Variants in CCDC192 observed in about 807,000 individuals in gnomAD.
The protein encoded by CCDC192 is coiled-coil domain-containing protein 192.
chr5:127,905,892 A>G (rs986538072), intron 6 of CCDC192, among the ~76,000 whole-genome samples: 5 of 152,238 alleles, frequency 3.3e-5, no homozygotes, highest in Admixed American at 1.3e-4. Context: ...CAGGTAGCCA[A>G]TAGGGAGAGA....
At chr5:127,810,648 A>G (rs1043145578) in intron 5 of CCDC192, among the ~76,000 whole-genome samples, 3 of 152,324 alleles carry the variant, frequency 2.0e-5, no homozygotes, top group Non-Finnish European at 2.9e-5. Context: ...CAAGCCCAGC[A>G]CTCAATGGAA....
intron 6 of CCDC192, among the ~76,000 whole-genome samples, chr5:127,914,759 A>G (rs1753469496): frequency 6.6e-6 from 1 of 152,200 alleles, no homozygotes; most frequent in Non-Finnish European, 1.5e-5. Flanking sequence ...TAAGAGCTTA[A>G]CATGAATTAA....
At chr5:127,817,660 A>C (rs1749086250) in intron 5 of CCDC192, among the ~76,000 whole-genome samples, 1 of 152,166 alleles carries the variant, frequency 6.6e-6, no homozygotes, top group Non-Finnish European at 1.5e-5. Context: ...ATATGAATTT[A>C]TTTTTGTATT....
intron 6 of CCDC192, among the ~76,000 whole-genome samples, chr5:127,902,329 A>C (rs1238584586): frequency 3.9e-5 from 6 of 151,950 alleles, no homozygotes; most frequent in Non-Finnish European, 8.8e-5. Context: ...TCTAGGCAGA[A>C]CATAACAACA....
At position 127,760,541 on chromosome 5, in the gene CCDC192, C is replaced by T. The variant is rs368963979; in HGVS notation, c.222+6166C>T. Among the ~76,000 whole-genome samples, 52 of 151,782 alleles carry T rather than the reference C, an allele frequency of 3.4e-4. 2 individuals carry two copies. In the East Asian group the frequency reaches 9.7e-3, roughly 28 times the overall value. The stretch of plus-strand genomic sequence containing the variant: ...CCAGATGCTAACCCAGATCTTCAGG[C>T]TGAGGTTCTTTTTCACCCTTGTCCT... On this transcript the variant is annotated intron_variant, in intron 3 of 6. Transcript: ENST00000514853.
chr5:127,844,533 C>T (rs1750439616), intron 5 of CCDC192, among the ~76,000 whole-genome samples: 1 of 152,190 alleles, frequency 6.6e-6, no homozygotes, highest in Admixed American at 6.5e-5. Flanking sequence ...CTCACCCCTG[C>T]CTTGTGAGGG....
chr5:127,918,031 A>T (rs55860273), intron 6 of CCDC192, among the ~76,000 whole-genome samples: 2 of 151,820 alleles, frequency 1.3e-5, no homozygotes, highest in African/African-American at 2.4e-5. Flanking sequence ...GCTATTCAGG[A>T]GGCTGAGGTG....
intron 2 of CCDC192, among the ~76,000 whole-genome samples, chr5:127,727,592 A>T (rs545930074): frequency 6.6e-6 from 1 of 152,328 alleles, no homozygotes; most frequent in East Asian, 1.9e-4. Flanking sequence ...TCAAAACTAC[A>T]TAAACTCATG....
rs1166949370 is a variant in CCDC192 at position 127,745,111 on chromosome 5, G to C, written c.115-9157G>C. On this transcript the variant is annotated intron_variant, in intron 2 of 6. Transcript: ENST00000514853. ...TAATCAATCAACAATTATTTATCAGGCTCCTACTTACTGTTCAGCAAAGTC... is the reference window on the plus strand; with the variant it reads ...TAATCAATCAACAATTATTTATCAGCCTCCTACTTACTGTTCAGCAAAGTC... Among the ~76,000 whole-genome samples, 19 of 152,154 alleles carry C rather than the reference G, an allele frequency of 1.2e-4. 1 individual carries two copies. Among genetic ancestry groups the C allele is most frequent in the Admixed American group, 1.2e-3 (18 of 15,260 alleles).
chr5:127,775,604 G>A (rs113854422), intron 3 of CCDC192, among the ~76,000 whole-genome samples: 3,302 of 152,186 alleles, frequency 0.022, 122 homozygotes, highest in African/African-American at 0.075. Flanking sequence ...TAATAATAAA[G>A]CCTACACTTT....
intron 6 of CCDC192, among the ~76,000 whole-genome samples, chr5:127,877,406 T>A (rs531510500): frequency 1.3e-5 from 2 of 152,244 alleles, no homozygotes; most frequent in South Asian, 4.1e-4. Context: ...TATGAACAGA[T>A]GCAAATTTAA....
intron 5 of CCDC192, among the ~76,000 whole-genome samples, chr5:127,809,142 A>G (rs60674040): frequency 2.4e-3 from 362 of 152,320 alleles, no homozygotes; most frequent in African/African-American, 8.2e-3. Context: ...GTCATTAAAT[A>G]TTAACTATAA....
At chr5:127,895,844 A>C (rs2127160912) in intron 6 of CCDC192, among the ~76,000 whole-genome samples, 1 of 152,272 alleles carries the variant, frequency 6.6e-6, no homozygotes, top group South Asian at 2.1e-4. Flanking sequence ...GTCTCAAAAA[A>C]AAAAAAAAGT....
chr5:127,702,395 T>C (rs1334596792), upstream of CCDC192, among the ~76,000 whole-genome samples: 2 of 152,244 alleles, frequency 1.3e-5, no homozygotes, highest in Non-Finnish European at 2.9e-5. Flanking sequence ...TAGTGTTGGC[T>C]TTTCTATCCA....
intron 5 of CCDC192, among the ~76,000 whole-genome samples, chr5:127,871,899 C>G (rs1751880128): frequency 6.6e-6 from 1 of 152,190 alleles, no homozygotes; most frequent in African/African-American, 2.4e-5. Flanking sequence ...AGCTATAAAG[C>G]CTTCCTATCC....
At chr5:127,921,248 A>G (rs1450718327) in intron 6 of CCDC192, among the ~76,000 whole-genome samples, 1 of 151,802 alleles carries the variant, frequency 6.6e-6, no homozygotes, top group Non-Finnish European at 1.5e-5. Context: ...GAAAGAAGGA[A>G]GGGTAGGAAG....
intron 6 of CCDC192, among the ~76,000 whole-genome samples, chr5:127,931,687 T>G (rs1184054914): frequency 1.3e-5 from 2 of 152,062 alleles, no homozygotes; most frequent in African/African-American, 4.8e-5. Context: ...CCAGGCACCC[T>G]TCTAGAGTCA....
At chr5:127,827,616 C>T (rs1292017967) in intron 5 of CCDC192, among the ~76,000 whole-genome samples, 5 of 152,160 alleles carry the variant, frequency 3.3e-5, no homozygotes, top group Admixed American at 6.5e-5. Flanking sequence ...GCGTGGTCTG[C>T]GGAAGAACGC....
chr5:127,757,597 G>A (rs988138297), intron 3 of CCDC192, among the ~76,000 whole-genome samples: 1 of 151,814 alleles, frequency 6.6e-6, no homozygotes, highest in African/African-American at 2.4e-5. Flanking sequence ...TGAGAGGATA[G>A]GGAAAGGGGA....
Sources: gnomAD v4.1 joint callset for allele counts (sites outside exome capture counted in the v4.1 genomes callset) on GRCh38, gnomAD v4.1.1 for gene constraint, MANE v1.5 for transcripts, NCBI Gene and HGNC (gene_info 2026-07-23, HGNC 2026-07-21) for gene names.